Variants in PLCE1 observed in about 807,000 individuals in gnomAD.
PLCE1 encodes phospholipase C epsilon 1.
A neutral mutation model predicts 242.8 loss-of-function variants in PLCE1; 119 were observed. The observed-to-expected ratio is 0.49, with a 90% CI of 0.42 to 0.57. The LOEUF is 0.57. Ranked by LOEUF, PLCE1 falls within the 20% of genes least tolerant of loss-of-function variation. The probability of loss-of-function intolerance (pLI) is 0.00; values close to 1 mark genes in which losing one functional copy is unlikely to be tolerated. For synonymous variants in PLCE1, 945 were observed against 1,017.4 expected (o/e 0.93, Z 1.35); for missense variants, 2,441 against 2,788.8 (o/e 0.88, Z 2.81).
intron 22 of PLCE1, among the ~76,000 whole-genome samples, chr10:94,290,086 G>A (rs1347232408): frequency 1.3e-5 from 2 of 152,016 alleles, no homozygotes; most frequent in Non-Finnish European, 2.9e-5. Context: ...GAGTGCAGTG[G>A]TGGAATCATG....
rs1244811551 is a variant in PLCE1 at position 94,332,074 on chromosome 10, T to C, written c.*4131T>C. 6.6e-6 allele frequency: 1 copy of C among 152,072 alleles called. No individual in the cohort carries two copies. Among genetic ancestry groups the C allele is most frequent in the Admixed American group, 6.6e-5 (1 of 15,256 alleles). The allele number at this position is 152,072 out of a possible 1,614,324, so 9.4% of individuals were successfully genotyped here. A position where few individuals can be genotyped will look rare whatever the true frequency, so the allele number is the denominator to read the frequency against. ...CAGTAGAGACGGGGGTTTCACTATG[T>C]TGGTAAGGCTGGTCTCGAACTCCTG... is the stretch of plus-strand genomic sequence containing the variant. On this transcript the variant is annotated 3_prime_UTR_variant, in exon 33 of 33. Transcript: ENST00000371380.
In PLCE1 at chr10:94,036,698, A is replaced by C. The variant is rs115235520; in HGVS notation, c.1206+4446A>C. On this transcript the variant is annotated intron_variant, in intron 2 of 32. Coordinates refer to ENST00000371380, the MANE Select transcript of PLCE1 (RefSeq NM_016341.4). ...AAAGTCTCCAAGCTAAAGATTGGTT[A>C]GGGGTGTTTTTCCTTTAAAAAAAAA... Among the ~76,000 whole-genome samples, 415 of 152,290 alleles carry C rather than the reference A, an allele frequency of 2.7e-3. 3 individuals carry two copies. Among genetic ancestry groups the C allele is most frequent in the African/African-American group, 9.6e-3 (400 of 41,560 alleles).
At chr10:94,258,742 G>T in intron 11 of PLCE1, 58 bp from the exon 12 acceptor site, 1 of 1,612,008 alleles carries the variant, frequency 6.2e-7, no homozygotes, top group South Asian at 1.1e-5. Context: ...AGTCTGGTGG[G>T]ACAGAATCAC....
intron 16 of PLCE1, among the ~76,000 whole-genome samples, chr10:94,267,188 A>G (rs180718466): frequency 3.7e-4 from 56 of 152,372 alleles, no homozygotes; most frequent in African/African-American, 1.3e-3. Flanking sequence ...ACATGCGTGT[A>G]CATATATGTG....
intron 4 of PLCE1, among the ~76,000 whole-genome samples, chr10:94,180,947 T>G (rs958811139): frequency 9.9e-5 from 15 of 152,194 alleles, no homozygotes; most frequent in Admixed American, 2.0e-4. Context: ...CTTTATACAT[T>G]ACACAGTGGT....
At chr10:94,291,678 G>A (rs2052650867) in intron 22 of PLCE1, among the ~76,000 whole-genome samples, 1 of 152,108 alleles carries the variant, frequency 6.6e-6, no homozygotes, top group African/African-American at 2.4e-5. Flanking sequence ...CATGGTGGGT[G>A]GATCACTTGA....
intron 1 of PLCE1, among the ~76,000 whole-genome samples, chr10:94,006,831 C>G (rs765906576): frequency 6.6e-6 from 1 of 152,154 alleles, no homozygotes; most frequent in African/African-American, 2.4e-5. Flanking sequence ...ATGACTGTGG[C>G]AGGCTGGAAT....
rs369275307 is a variant in PLCE1, at chr10:94,026,490, C to G, written c.-364-4193C>G. ...CTTTTTCTTCTTCAAACCCACTAGA[C>G]TATGTTCTTCATTCAGTGCTTTAGG... On this transcript the variant is annotated intron_variant, in intron 1 of 32. Transcript: ENST00000371380. Among the ~76,000 whole-genome samples, 388 of 152,230 alleles carry G rather than the reference C, an allele frequency of 2.5e-3. 1 individual carries two copies. Among genetic ancestry groups the G allele is most frequent in the African/African-American group, 5.0e-3 (208 of 41,552 alleles).
chr10:94,040,509 G>A (rs2061745191), intron 2 of PLCE1, among the ~76,000 whole-genome samples: 1 of 152,146 alleles, frequency 6.6e-6, no homozygotes. Context: ...AATGCACTCC[G>A]TTATGCACAG....
At chr10:94,051,243 C>T (rs1001829895) in intron 2 of PLCE1, among the ~76,000 whole-genome samples, 34 of 120,178 alleles carry the variant, frequency 2.8e-4, no homozygotes, top group Non-Finnish European at 3.5e-4. Context: ...ACAAATAAGA[C>T]TTTCAGAGTT....
chr10:94,264,512 A>ATTTT (rs59860171), intron 14 of PLCE1, among the ~76,000 whole-genome samples: 21 of 73,084 alleles, frequency 2.9e-4, no homozygotes, highest in Non-Finnish European at 4.3e-4. Flanking sequence ...ACATGATTTG[A>ATTTT]TTTTTTTTTT....
chr10:94,105,998 A>G (rs1325887844), intron 2 of PLCE1: 1 of 152,226 alleles, frequency 6.6e-6, no homozygotes, highest in Non-Finnish European at 1.5e-5. Context: ...CAAATAAGGC[A>G]ATTGAGCCAC....
rs1438095332 is a variant in PLCE1 at position 93,994,054 on chromosome 10, G to GCCCGGGCTCTGCCTCCCGGGCTCTGCCT, written c.-559_-558insGCCTCCCGGGCTCTGCCTCCCGGGCTCT. ...GCGGCGGGAGGGGCAGCGGCGGCGCGCCCGGGCTCTACCTCCCGGGCTCTG... is the reference window on the plus strand; with the variant it reads ...GCGGCGGGAGGGGCAGCGGCGGCGCGCCCGGGCTCTGCCTCCCGGGCTCTGCCTCCCGGGCTCTACCTCCCGGGCTCTG... On this transcript the variant is annotated 5_prime_UTR_variant, in exon 1 of 33. Transcript: ENST00000371380. Among the ~76,000 whole-genome samples, 4 of 151,248 alleles carry GCCCGGGCTCTGCCTCCCGGGCTCTGCCT rather than the reference G, an allele frequency of 2.6e-5. No individual in the cohort carries two copies. The highest frequency in any genetic ancestry group is 5.9e-5 in the Non-Finnish European group (4 of 67,446).
chr10:94,071,520 T>C (rs2044360138), intron 2 of PLCE1, among the ~76,000 whole-genome samples: 1 of 138,660 alleles, frequency 7.2e-6, no homozygotes, highest in Non-Finnish European at 1.6e-5. Flanking sequence ...TTTTTTTGAG[T>C]CACTCTCACT....
At chr10:94,198,750 G>A (rs2048903449) in intron 4 of PLCE1, among the ~76,000 whole-genome samples, 1 of 152,136 alleles carries the variant, frequency 6.6e-6, no homozygotes, top group Non-Finnish European at 1.5e-5. Flanking sequence ...TAGAATGATG[G>A]ATTAGAAATC....
At chr10:94,043,055 C>G (rs951411233) in intron 2 of PLCE1, among the ~76,000 whole-genome samples, 1 of 152,172 alleles carries the variant, frequency 6.6e-6, no homozygotes, top group East Asian at 1.9e-4. Context: ...TCACCTACTT[C>G]ACAAGGTTGT....
At chr10:94,040,383 T>C (rs1035994821) in intron 2 of PLCE1, among the ~76,000 whole-genome samples, 14 of 152,186 alleles carry the variant, frequency 9.2e-5, no homozygotes, top group African/African-American at 3.1e-4. Flanking sequence ...TTTTTTATTA[T>C]CCAAACTCTG....
At chr10:94,173,938 T>A (rs138706881) in intron 4 of PLCE1, among the ~76,000 whole-genome samples, 93 of 152,352 alleles carry the variant, frequency 6.1e-4, no homozygotes, top group African/African-American at 2.1e-3. Flanking sequence ...TCTAGTTCTT[T>A]TGTATACCTT....
intron 3 of PLCE1, among the ~76,000 whole-genome samples, chr10:94,168,837 T>C (rs892405899): frequency 2.0e-5 from 3 of 152,188 alleles, no homozygotes; most frequent in Non-Finnish European, 2.9e-5. Context: ...TATATTTGGC[T>C]AATTCCACTG....
Sources: allele counts gnomAD v4.1 joint callset (sites outside exome capture counted in the v4.1 genomes callset), GRCh38; gene constraint gnomAD v4.1.1; transcripts MANE v1.5; gene names NCBI Gene and HGNC (gene_info 2026-07-23, HGNC 2026-07-21).